Variants in BRIP1 observed in about 807,000 individuals in gnomAD.
BRIP1 encodes BRCA1 interacting DNA helicase 1.
BRIP1 carries 88 observed loss-of-function variants against 119.7 expected under a neutral mutation model. That is an observed-to-expected ratio of 0.74 (90% CI 0.62 to 0.88). The LOEUF is 0.88. BRIP1 is among the 40% of genes least tolerant of loss of function. The pLI, the probability that BRIP1 is intolerant of heterozygous loss-of-function variation, is 0.00. For synonymous variants in BRIP1, 443 were observed against 496.5 expected (o/e 0.89, Z 1.43); for missense variants, 1,259 against 1,455.4 (o/e 0.87, Z 2.20).
intron 6 of BRIP1, among the ~76,000 whole-genome samples, chr17:61,829,119 T>C (rs893450777): frequency 7.2e-5 from 11 of 152,112 alleles, no homozygotes; most frequent in Non-Finnish European, 1.5e-4. Flanking sequence ...ACACTGAATG[T>C]AAATAGTATA....
Position 61,828,230 on chromosome 17 carries a change from G to T in BRIP1, c.627+18871C>A, listed in dbSNP as rs569970124. On this transcript the variant is annotated intron_variant, in intron 6 of 19. Transcript: ENST00000259008. The surrounding 1 kb of genome is among the most constrained non-coding windows in gnomAD (Gnocchi z 4.1). ...ATGGAATATTATTCAGCCATAAAAAGAAATAAAATTCTGACACATACTACA... is the reference window on the plus strand; with the variant it reads ...ATGGAATATTATTCAGCCATAAAAATAAATAAAATTCTGACACATACTACA... Among the ~76,000 whole-genome samples, 6 of 152,130 alleles carry T rather than the reference G, an allele frequency of 3.9e-5. No individual in the cohort carries two copies. Among genetic ancestry groups the T allele is most frequent in the Non-Finnish European group, 7.4e-5 (5 of 68,008 alleles).
In BRIP1 at chr17:61,680,578, C is replaced by A. The variant is rs910493400; in HGVS notation, c.*2718G>T. On this transcript the variant is annotated 3_prime_UTR_variant, in exon 20 of 20. Coordinates refer to ENST00000259008, the MANE Select transcript of BRIP1 (RefSeq NM_032043.3). ...CACTGCAAGCTCCACCTCCCGGGTT[C>A]ACGCCATTCTCCTGCCTCAGCCTCC... 3.4e-5 allele frequency among the ~76,000 whole-genome samples: 5 copies of A among 147,764 alleles called. No individual in the cohort carries two copies. Among genetic ancestry groups the A allele is most frequent in the Non-Finnish European group, 4.5e-5 (3 of 67,302 alleles).
Position 61,744,530 on chromosome 17 carries a change from A to G in BRIP1, c.2159T>C (p.Val720Ala). The change falls in exon 15 of 20, where the codon GTG becomes GCG. Residue 720 changes from valine (V) to alanine (A), a missense_variant. This residue lies in a region of BRIP1 where 753 missense variants were observed against 891.8 expected (regional missense o/e 0.84). Transcript: ENST00000259008. The surrounding 1 kb of genome is among the most constrained non-coding windows in gnomAD (Gnocchi z 5.0). ...CTGTGGTTCTACAATGACTGTCTTC[A>G]CCAACTCCAGATTATGCCATAAACC... Reference protein sequence around the residue: ...STGLWHNLELVKTVIVEPQGG... With the variant: ...STGLWHNLELAKTVIVEPQGG... 2 of 1,613,844 alleles carry G rather than the reference A, an allele frequency of 1.2e-6. No homozygotes were observed. The highest frequency in any genetic ancestry group is 2.2e-5 in the South Asian group (2 of 91,078).
Position 61,726,772 on chromosome 17 carries a change from C to G in BRIP1, c.2380-10709G>C, listed in dbSNP as rs1354446812. Among the ~76,000 whole-genome samples the G allele has an allele frequency of 6.6e-6, 1 of 152,144 alleles. No homozygotes were observed. The highest frequency in any genetic ancestry group is 1.5e-5 in the Non-Finnish European group (1 of 68,034). On this transcript the variant is annotated intron_variant, in intron 16 of 19. Coordinates refer to ENST00000259008, the MANE Select transcript of BRIP1 (RefSeq NM_032043.3). This position sits in a 1 kb window ranked among gnomAD's most constrained non-coding sequence, Gnocchi z 6.2. ...GCACTCTTTAATATCCTCCATAATACTTTTTGGTCACTTTTCAACTTATGA... is the reference window on the plus strand; with the variant it reads ...GCACTCTTTAATATCCTCCATAATAGTTTTTGGTCACTTTTCAACTTATGA...
At chr17:61,785,888 C>T (rs1229493162) in intron 10 of BRIP1, among the ~76,000 whole-genome samples, 1 of 151,868 alleles carries the variant, frequency 6.6e-6, no homozygotes, top group Non-Finnish European at 1.5e-5. Flanking sequence ...GTACTCCGAG[C>T]TCAATTCCAG....
intron 17 of BRIP1, among the ~76,000 whole-genome samples, chr17:61,696,423 G>T (rs181593367): frequency 6.6e-6 from 1 of 151,702 alleles, no homozygotes; most frequent in Admixed American, 6.6e-5. Context: ...TTCTTTTCTC[G>T]TAATGTATTT....
In BRIP1 at chr17:61,683,202, T is replaced by A. The variant is rs927022238; in HGVS notation, c.*94A>T. On this transcript the variant is annotated 3_prime_UTR_variant, in exon 20 of 20. Transcript: ENST00000259008. The surrounding 1 kb of genome is among the most constrained non-coding windows in gnomAD (Gnocchi z 4.7). ...GAACATAAAATAGTTTTTTAAAAAG[T>A]ATGCCACTTATTCAATTTACAAATT... The A allele has an allele frequency of 5.1e-6, 7 of 1,360,070 alleles. No homozygotes were observed. The highest frequency in any genetic ancestry group is 6.1e-6 in the Non-Finnish European group (6 of 978,386). 84.3% of individuals were successfully genotyped at this position (1,360,070 alleles called of 1,614,324 possible).
At position 61,846,222 on chromosome 17, in the gene BRIP1, C is replaced by T. The variant is rs1603360964; in HGVS notation, c.627+879G>A. 7.0e-6 allele frequency among the ~76,000 whole-genome samples: 1 copy of T among 143,806 alleles called. No homozygotes were observed. Among genetic ancestry groups the T allele is most frequent in the East Asian group, 2.0e-4 (1 of 5,096 alleles). The allele number at this position is 143,806 out of a possible 152,430, so 94.3% of individuals were successfully genotyped here. On this transcript the variant is annotated intron_variant, in intron 6 of 19. Transcript: ENST00000259008. This position sits in a 1 kb window ranked among gnomAD's most constrained non-coding sequence, Gnocchi z 4.3. ...ATAAATAAATTTAAAAAATTATATA[C>T]ATATAGAGAGAGAGAGAGAGAAAAA... is the stretch of plus-strand genomic sequence containing the variant.
In BRIP1 at chr17:61,681,899, T is replaced by C. The variant is rs568330176; in HGVS notation, c.*1397A>G. 1 of 199,368 alleles carries C rather than the reference T, an allele frequency of 5.0e-6. No individual in the cohort carries two copies. The highest frequency in any genetic ancestry group is 1.9e-4 in the South Asian group (1 of 5,210). The allele number at this position is 199,368 out of a possible 1,614,324, so 12.3% of individuals were successfully genotyped here. ...ACTGGAAATTTTGACTTGAAAATAA[T>C]AGACCATACAGAATTCTTGGATAGC... On this transcript the variant is annotated 3_prime_UTR_variant, in exon 20 of 20. Transcript: ENST00000259008. The surrounding 1 kb of genome is among the most constrained non-coding windows in gnomAD (Gnocchi z 5.1).
Position 61,831,140 on chromosome 17 carries a change from T to G in BRIP1, c.627+15961A>C, listed in dbSNP as rs149868841. 6.6e-6 allele frequency among the ~76,000 whole-genome samples: 1 copy of G among 152,218 alleles called. No individual in the cohort carries two copies. Among genetic ancestry groups the G allele is most frequent in the African/African-American group, 2.4e-5 (1 of 41,452 alleles). On this transcript the variant is annotated intron_variant, in intron 6 of 19. Transcript: ENST00000259008. This position sits in a 1 kb window ranked among gnomAD's most constrained non-coding sequence, Gnocchi z 4.1. ...AACTTCTTTAGCCTGACAAAGGGCA[T>G]AGACAGAACACCTAGCACAAATGTC... is the stretch of plus-strand genomic sequence containing the variant.
chr17:61,707,849 A>AT (rs1229577859), intron 17 of BRIP1, among the ~76,000 whole-genome samples: 9,708 of 141,112 alleles, frequency 0.069, 694 homozygotes, highest in African/African-American at 0.18. Flanking sequence ...TGGTCTTCAC[A>AT]TTTTTTTTTT....
chr17:61,826,609 A>G (rs1038088491), intron 6 of BRIP1, among the ~76,000 whole-genome samples: 1 of 152,084 alleles, frequency 6.6e-6, no homozygotes, highest in African/African-American at 2.4e-5. Context: ...AAAAGAAGAT[A>G]TATATGCAGC....
rs374639282 is a variant in BRIP1 at position 61,846,246 on chromosome 17, A to G, written c.627+855T>C. On this transcript the variant is annotated intron_variant, in intron 6 of 19. Transcript: ENST00000259008. This position sits in a 1 kb window ranked among gnomAD's most constrained non-coding sequence, Gnocchi z 4.3. The stretch of plus-strand genomic sequence containing the variant: ...ACATATAGAGAGAGAGAGAGAGAAA[A>G]AGAGAGAGAGAGAGAAAGAGAGAGA... Among the ~76,000 whole-genome samples the G allele has an allele frequency of 9.1e-4, 113 of 124,848 alleles. No individual in the cohort carries two copies. Among genetic ancestry groups the G allele is most frequent in the Non-Finnish European group, 1.4e-3 (95 of 67,188 alleles). 81.9% of individuals were successfully genotyped at this position (124,848 alleles called of 152,430 possible). A position where few individuals can be genotyped will look rare whatever the true frequency, so the allele number is the denominator to read the frequency against.
At position 61,832,156 on chromosome 17, in the gene BRIP1, T is replaced by C. The variant is rs1383614314; in HGVS notation, c.627+14945A>G. Among the ~76,000 whole-genome samples, 1 of 152,114 alleles carries C rather than the reference T, an allele frequency of 6.6e-6. No homozygotes were observed. The highest frequency in any genetic ancestry group is 2.4e-5 in the African/African-American group (1 of 41,410). ...ATCCGAGACTAGGGCAGGGAAAATA[T>C]AAGGTGAGCCTGGAACACTATCTTT... On this transcript the variant is annotated intron_variant, in intron 6 of 19. Transcript: ENST00000259008. This position sits in a 1 kb window ranked among gnomAD's most constrained non-coding sequence, Gnocchi z 5.5.
chr17:61,786,059 C>CTATA (rs954208027), intron 10 of BRIP1, among the ~76,000 whole-genome samples: 23 of 151,892 alleles, frequency 1.5e-4, no homozygotes, highest in Non-Finnish European at 1.8e-4. Flanking sequence ...CTATCATGGG[C>CTATA]TATAATAATA....
rs2078850185 is a variant in BRIP1, at chr17:61,853,388, T to TC, written c.379+3669_379+3670insG. On this transcript the variant is annotated intron_variant, in intron 4 of 19. Transcript: ENST00000259008. This position sits in a 1 kb window ranked among gnomAD's most constrained non-coding sequence, Gnocchi z 4.3. Reference sequence around the variant, plus strand: ...CTGGGGTGTTGGTAATGTCTCTCTCTTTTTTTTTTAATCTATGTAGTAGTT... The same window carrying TC: ...CTGGGGTGTTGGTAATGTCTCTCTCTCTTTTTTTTTAATCTATGTAGTAGTT... Among the ~76,000 whole-genome samples the TC allele has an allele frequency of 1.1e-5, 1 of 87,206 alleles. No homozygotes were observed. Among genetic ancestry groups the TC allele is most frequent in the South Asian group, 7.5e-4 (1 of 1,336 alleles). The allele number at this position is 87,206 out of a possible 152,430, so 57.2% of individuals were successfully genotyped here.
Position 61,808,408 on chromosome 17 carries a change from T to G in BRIP1, c.918+59A>C. 1 of 1,502,436 alleles carries G rather than the reference T, an allele frequency of 6.7e-7. No homozygotes were observed. Among genetic ancestry groups the G allele is most frequent in the South Asian group, 1.1e-5 (1 of 88,144 alleles). 93.1% of individuals were successfully genotyped at this position (1,502,436 alleles called of 1,614,324 possible). On this transcript the variant is annotated intron_variant, in intron 7 of 19. Coordinates refer to ENST00000259008, the MANE Select transcript of BRIP1 (RefSeq NM_032043.3). This position sits in a 1 kb window ranked among gnomAD's most constrained non-coding sequence, Gnocchi z 4.1. Reference sequence around the variant, plus strand: ...TAAAATGTACATATAAAACACATACTGAGTAATTTAAATATTTTCAGCCTT... The same window carrying G: ...TAAAATGTACATATAAAACACATACGGAGTAATTTAAATATTTTCAGCCTT...
In BRIP1 at chr17:61,683,163, A is replaced by G. The variant is rs988967534; in HGVS notation, c.*133T>C. ...AAAACCCAAAAACTCAAGAATAATA[A>G]CATTTACATTTCTGAACATAAAATA... On this transcript the variant is annotated 3_prime_UTR_variant, in exon 20 of 20. Coordinates refer to ENST00000259008, the MANE Select transcript of BRIP1 (RefSeq NM_032043.3). This position sits in a 1 kb window ranked among gnomAD's most constrained non-coding sequence, Gnocchi z 4.7. 2 of 1,132,476 alleles carry G rather than the reference A, an allele frequency of 1.8e-6. No homozygotes were observed. Among genetic ancestry groups the G allele is most frequent in the Admixed American group, 2.5e-5 (1 of 39,932 alleles). The allele number at this position is 1,132,476 out of a possible 1,614,324, so 70.2% of individuals were successfully genotyped here. A position where few individuals can be genotyped will look rare whatever the true frequency, so the allele number is the denominator to read the frequency against.
At chr17:61,820,019 C>T (rs2145523360) in intron 6 of BRIP1, among the ~76,000 whole-genome samples, 1 of 150,418 alleles carries the variant, frequency 6.6e-6, no homozygotes. Flanking sequence ...TACTATGTAC[C>T]CACCAAAATT....
Sources: allele counts gnomAD v4.1 joint callset (sites outside exome capture counted in the v4.1 genomes callset), GRCh38; gene constraint gnomAD v4.1.1; regional missense constraint gnomAD v4.1.1; non-coding constraint Gnocchi (gnomAD v3.1); transcripts MANE v1.5; gene names NCBI Gene and HGNC (gene_info 2026-07-23, HGNC 2026-07-21).